The following CAMK2D variants were observed in gnomAD, a reference collection of about 807,000 sequenced individuals.
CAMK2D encodes the protein calcium/calmodulin-dependent protein kinase type II subunit delta.
CAMK2D carries 37 observed loss-of-function variants against 84.0 expected under a neutral mutation model. The observed-to-expected ratio is 0.44, with a 90% CI of 0.34 to 0.58. CAMK2D has a LOEUF of 0.58. Among genes scored for constraint, CAMK2D ranks in the 20% least tolerant of loss-of-function variants. The pLI is 0.02. For synonymous variants in CAMK2D, 202 were observed against 212.5 expected (o/e 0.95, Z 0.43); for missense variants, 448 against 652.5 (o/e 0.69, Z 3.41).
At position 113,452,305 on chromosome 4, in the gene CAMK2D, T is replaced by C. The variant is rs1458360641; in HGVS notation, c.*2240A>G. The stretch of plus-strand genomic sequence containing the variant: ...ACTTGCCATTCTCACCAAGTGCAAA[T>C]TGTTATGTACTAAATGAGACCAGAG... On this transcript the variant is annotated 3_prime_UTR_variant, in exon 21 of 21. Coordinates refer to ENST00000511664, the MANE Select transcript of CAMK2D (RefSeq NM_001321571.2). The C allele has an allele frequency of 6.6e-6, 1 of 152,126 alleles. No individual in the cohort carries two copies. Among genetic ancestry groups the C allele is most frequent in the African/African-American group, 2.4e-5 (1 of 41,420 alleles). The allele number at this position is 152,126 out of a possible 1,614,324, so 9.4% of individuals were successfully genotyped here. A position where few individuals can be genotyped will look rare whatever the true frequency, so the allele number is the denominator to read the frequency against.
At chr4:113,757,691 G>A (rs1394780047) in intron 2 of CAMK2D, among the ~76,000 whole-genome samples, 1 of 152,150 alleles carries the variant, frequency 6.6e-6, no homozygotes, top group African/African-American at 2.4e-5. Flanking sequence ...GGACATGTAG[G>A]TAGTTCTTTG....
chr4:113,494,001 T>A (rs2097887174), intron 16 of CAMK2D, among the ~76,000 whole-genome samples: 1 of 152,190 alleles, frequency 6.6e-6, no homozygotes, highest in Admixed American at 6.5e-5. Flanking sequence ...CATCAGCTCC[T>A]TTAAGCACTT....
intron 8 of CAMK2D, among the ~76,000 whole-genome samples, chr4:113,518,911 T>A (rs1263016134): frequency 1.3e-5 from 2 of 151,818 alleles, no homozygotes; most frequent in Admixed American, 6.6e-5. Flanking sequence ...ATTTTTTAAG[T>A]CATGTGAATC....
intron 2 of CAMK2D, among the ~76,000 whole-genome samples, chr4:113,682,157 T>C (rs940871800): frequency 7.2e-5 from 11 of 152,194 alleles, no homozygotes; most frequent in Non-Finnish European, 1.5e-4. Context: ...TATGTTAAAC[T>C]TTGCATCACA....
chr4:113,740,422 G>C (rs1232643388), intron 2 of CAMK2D, among the ~76,000 whole-genome samples: 1 of 152,024 alleles, frequency 6.6e-6, no homozygotes, highest in Non-Finnish European at 1.5e-5. Flanking sequence ...GACATGAAAT[G>C]TTCAGAATAA....
At chr4:113,499,338 T>C (rs1250980900) in intron 16 of CAMK2D, among the ~76,000 whole-genome samples, 1 of 152,180 alleles carries the variant, frequency 6.6e-6, no homozygotes, top group Non-Finnish European at 1.5e-5. Flanking sequence ...CAGAGTTAGG[T>C]CAGTGTGCTT....
chr4:113,686,717 T>C (rs1192657571), intron 2 of CAMK2D, among the ~76,000 whole-genome samples: 2 of 152,200 alleles, frequency 1.3e-5, no homozygotes, highest in Non-Finnish European at 2.9e-5. Flanking sequence ...AACATGATCA[T>C]TGAGAAAAAA....
At chr4:113,665,427 C>T (rs2099253617) in intron 2 of CAMK2D, among the ~76,000 whole-genome samples, 1 of 152,184 alleles carries the variant, frequency 6.6e-6, no homozygotes, top group African/African-American at 2.4e-5. Flanking sequence ...CCAAAAAGCA[C>T]ATTTCTGTAT....
chr4:113,744,262 G>A (rs1339955883), intron 2 of CAMK2D, among the ~76,000 whole-genome samples: 1 of 152,126 alleles, frequency 6.6e-6, no homozygotes, highest in Non-Finnish European at 1.5e-5. Context: ...TATGCAATGT[G>A]CTAGGTTCTG....
chr4:113,500,652 C>T (rs951160005), intron 15 of CAMK2D, 141 bp from the exon 16 acceptor site: 1 of 523,130 alleles, frequency 1.9e-6, no homozygotes, highest in Non-Finnish European at 3.4e-6. Flanking sequence ...TGGACAAACA[C>T]ATTAAGTGGT....
Position 113,502,975 on chromosome 4 carries a change from C to A in CAMK2D, c.1047G>T (p.Glu349Asp). ...GGTTGTGGATTACAGTAGTTTGGGG[C>A]TCCTGAGTGAGAACAAAATAGAGAA... ...PKENIPTPAL[E>D]PQTTVIHNPD... is the part of the protein sequence containing the mutation. Residue 349 changes from glutamate (E) to aspartate (D), a missense_variant and splice_region_variant, in exon 15 of 21, where the codon GAG (glutamate) becomes GAT (aspartate). By Grantham distance (45) the Glu-to-Asp change is conservative. This residue lies in a region of CAMK2D where 219 missense variants were observed against 272.1 expected (regional missense o/e 0.80). Coordinates refer to ENST00000511664, the MANE Select transcript of CAMK2D (RefSeq NM_001321571.2). 4.4e-6 allele frequency: 7 copies of A among 1,603,666 alleles called. No homozygotes were observed. The highest frequency in any genetic ancestry group is 6.0e-6 in the Non-Finnish European group (7 of 1,170,658).
chr4:113,704,166 A>C (rs1414963061), intron 2 of CAMK2D, among the ~76,000 whole-genome samples: 2 of 151,946 alleles, frequency 1.3e-5, no homozygotes, highest in Admixed American at 1.3e-4. Flanking sequence ...AAATTTAAGT[A>C]TTTTCTATAA....
At chr4:113,481,565 T>A (rs1389516811) in intron 16 of CAMK2D, among the ~76,000 whole-genome samples, 1 of 152,152 alleles carries the variant, frequency 6.6e-6, no homozygotes, top group Non-Finnish European at 1.5e-5. Flanking sequence ...CTGCAACCTC[T>A]GCCTCCCAAG....
At chr4:113,608,944 G>A (rs977651063) in intron 4 of CAMK2D, among the ~76,000 whole-genome samples, 2 of 152,096 alleles carry the variant, frequency 1.3e-5, no homozygotes, top group African/African-American at 2.4e-5. Flanking sequence ...CTTAGGTTAA[G>A]GTTAATTCAA....
chr4:113,629,105 T>C, intron 3 of CAMK2D, among the ~76,000 whole-genome samples: 1 of 152,078 alleles, frequency 6.6e-6, no homozygotes, highest in Non-Finnish European at 1.5e-5. Flanking sequence ...CTGCAGCATA[T>C]TCCCTCAATT....
chr4:113,649,210 T>G (rs924998177), intron 3 of CAMK2D, among the ~76,000 whole-genome samples: 1 of 152,192 alleles, frequency 6.6e-6, no homozygotes, highest in Non-Finnish European at 1.5e-5. Flanking sequence ...TTTCAGATGC[T>G]CTTTCAACAC....
intron 3 of CAMK2D, among the ~76,000 whole-genome samples, chr4:113,609,814 C>G (rs527244217): frequency 6.6e-6 from 1 of 152,288 alleles, no homozygotes; most frequent in Non-Finnish European, 1.5e-5. Flanking sequence ...AATCCATTTA[C>G]CAAGTCATTA....
chr4:113,544,534 T>C (rs1366100091), intron 6 of CAMK2D, among the ~76,000 whole-genome samples: 1 of 152,232 alleles, frequency 6.6e-6, no homozygotes, highest in Non-Finnish European at 1.5e-5. Context: ...CATTTGTGGT[T>C]GCTAAATTTT....
At chr4:113,699,029 G>C (rs1043065973) in intron 2 of CAMK2D, among the ~76,000 whole-genome samples, 1 of 152,004 alleles carries the variant, frequency 6.6e-6, no homozygotes, top group Admixed American at 6.6e-5. Context: ...GATAGATATT[G>C]CCAAATTGCC....
Sources: gnomAD v4.1 joint callset for allele counts (sites outside exome capture counted in the v4.1 genomes callset) on GRCh38, gnomAD v4.1.1 for gene constraint, gnomAD v4.1.1 regional missense constraint, MANE v1.5 for transcripts, NCBI Gene and HGNC (gene_info 2026-07-23, HGNC 2026-07-21) for gene names.